The following PLPP3 variants were observed in gnomAD, a reference collection of about 807,000 sequenced individuals.
PLPP3 encodes the protein PAP2 beta.
In PLPP3, 6 loss-of-function variants were observed where a neutral mutation model predicts 29.6. That is an observed-to-expected ratio of 0.20 (90% CI 0.11 to 0.40). The LOEUF (loss-of-function observed/expected upper bound fraction) is 0.40, where lower values mean the gene tolerates loss of function less well. Ranked by LOEUF, PLPP3 falls within the 10% of genes least tolerant of loss-of-function variation. The pLI is 1.00. For missense variants in PLPP3, 308 were observed against 407.7 expected, an observed-to-expected ratio of 0.76 and a Z score of 2.11; for synonymous variants, 152 against 159.7, an observed-to-expected ratio of 0.95 and a Z score of 0.36.
At chr1:56,528,595 T>G (rs1645867576) in intron 2 of PLPP3, among the ~76,000 whole-genome samples, 1 of 152,052 alleles carries the variant, frequency 6.6e-6, no homozygotes, top group Non-Finnish European at 1.5e-5. Context: ...GGGAATTAGA[T>G]AAGGTGATAT....
intron 4 of PLPP3, among the ~76,000 whole-genome samples, chr1:56,514,057 C>T (rs572235292): frequency 1.5e-4 from 23 of 150,522 alleles, no homozygotes; most frequent in African/African-American, 5.1e-4. Flanking sequence ...TAAATAAATA[C>T]GTTAAATTAA....
At chr1:56,498,620 C>T (rs1430345203) in intron 5 of PLPP3, among the ~76,000 whole-genome samples, 8 of 151,658 alleles carry the variant, frequency 5.3e-5, no homozygotes. Flanking sequence ...TTGATCAATC[C>T]CTCCCCATCA....
chr1:56,526,883 T>C (rs115024672), intron 2 of PLPP3, among the ~76,000 whole-genome samples: 2 of 152,174 alleles, frequency 1.3e-5, no homozygotes, highest in Non-Finnish European at 2.9e-5. Context: ...AGGCCCCAGA[T>C]AAAATCCCTG....
At chr1:56,578,766 C>G (rs1646255251) in intron 1 of PLPP3, 112 bp downstream of exon 1, 1 of 1,186,496 alleles carries the variant, frequency 8.4e-7, no homozygotes, top group Non-Finnish European at 1.1e-6. Context: ...GCGGGGGCCC[C>G]CCGGAGCTGA....
chr1:56,569,994 G>T (rs1336128199), intron 1 of PLPP3, among the ~76,000 whole-genome samples: 1 of 152,094 alleles, frequency 6.6e-6, no homozygotes, highest in Non-Finnish European at 1.5e-5. Flanking sequence ...CTCCCTTAAG[G>T]CTCCAAAGTC....
intron 1 of PLPP3, among the ~76,000 whole-genome samples, chr1:56,568,612 T>C (rs1646176923): frequency 6.6e-6 from 1 of 152,164 alleles, no homozygotes; most frequent in African/African-American, 2.4e-5. Flanking sequence ...GTTCAGGAAG[T>C]ACCTGTCATA....
chr1:56,496,987 A>G (rs1476287738), intron 5 of PLPP3, among the ~76,000 whole-genome samples: 1 of 152,204 alleles, frequency 6.6e-6, no homozygotes, highest in African/African-American at 2.4e-5. Flanking sequence ...GCAAACGAAT[A>G]GCAATGAAAG....
chr1:56,532,813 T>C (rs61772618), intron 2 of PLPP3, among the ~76,000 whole-genome samples: 14,211 of 152,138 alleles, frequency 0.093, 871 homozygotes, highest in Middle Eastern at 0.13. Context: ...TCAAATCAGA[T>C]CTGTCTCTCC....
intron 1 of PLPP3, among the ~76,000 whole-genome samples, chr1:56,575,775 C>A (rs1235795846): frequency 6.6e-6 from 1 of 152,056 alleles, no homozygotes; most frequent in Non-Finnish European, 1.5e-5. Context: ...TGCATTAAAG[C>A]ATGCATATAT....
intron 4 of PLPP3, among the ~76,000 whole-genome samples, chr1:56,519,879 ATT>A (rs1212671471): frequency 6.6e-6 from 1 of 152,020 alleles, no homozygotes; most frequent in Non-Finnish European, 1.5e-5. Context: ...AAATTTATTC[ATT>A]GACCTAACAT....
chr1:56,564,053 T>C (rs1446100481), intron 1 of PLPP3, among the ~76,000 whole-genome samples: 2 of 152,252 alleles, frequency 1.3e-5, no homozygotes, highest in African/African-American at 4.8e-5. Flanking sequence ...CATATGCTCA[T>C]TATTGAAACT....
chr1:56,548,902 A>G (rs564428418), intron 1 of PLPP3, among the ~76,000 whole-genome samples: 1 of 152,314 alleles, frequency 6.6e-6, no homozygotes, highest in South Asian at 2.1e-4. Flanking sequence ...TACCAAAAAA[A>G]AAAAAAGATC....
At position 56,518,682 on chromosome 1, in the gene PLPP3, T is replaced by TC. The variant is rs1002621823; in HGVS notation, c.633+5140dup. Among the ~76,000 whole-genome samples the TC allele has an allele frequency of 2.0e-5, 3 of 149,482 alleles. No homozygotes were observed. The Admixed American group carries it at 2.0e-4, about 10-fold the overall frequency. On this transcript the variant is annotated intron_variant, in intron 4 of 5. Coordinates refer to ENST00000371250, the MANE Select transcript of PLPP3 (RefSeq NM_003713.5). ...GTGAATGAAGAGACCAAAAAATCTC[T>TC]CCCCCGGGGAATTTACAGCCTTTTT...
intron 1 of PLPP3, among the ~76,000 whole-genome samples, chr1:56,562,126 G>A (rs1304931130): frequency 6.7e-6 from 1 of 148,194 alleles, no homozygotes; most frequent in African/African-American, 2.5e-5. Context: ...AAAGGACCTG[G>A]AAAAGCCCCA....
intron 1 of PLPP3, among the ~76,000 whole-genome samples, chr1:56,570,506 G>A (rs935913389): frequency 1.3e-5 from 2 of 152,176 alleles, no homozygotes; most frequent in African/African-American, 4.8e-5. Context: ...AGTCTGAAGT[G>A]CGTTGTTTTG....
intron 2 of PLPP3, among the ~76,000 whole-genome samples, chr1:56,531,354 T>C (rs1169739413): frequency 6.6e-6 from 1 of 152,214 alleles, no homozygotes; most frequent in Admixed American, 6.5e-5. Flanking sequence ...GTCAGACTTG[T>C]ACTTGTCTTG....
chr1:56,544,012 AC>A (rs952708159), intron 1 of PLPP3, among the ~76,000 whole-genome samples: 4 of 152,184 alleles, frequency 2.6e-5, no homozygotes, highest in Admixed American at 2.0e-4. Flanking sequence ...GCTGGGGAAA[AC>A]AAAGGTGAGT....
intron 5 of PLPP3, among the ~76,000 whole-genome samples, chr1:56,500,896 C>T (rs1471061617): frequency 6.7e-6 from 1 of 148,202 alleles, no homozygotes; most frequent in East Asian, 2.0e-4. Context: ...CCCAGCTACT[C>T]GGGAGGCTGA....
intron 2 of PLPP3, among the ~76,000 whole-genome samples, chr1:56,527,497 G>C (rs1645859660): frequency 6.6e-6 from 1 of 152,106 alleles, no homozygotes; most frequent in Non-Finnish European, 1.5e-5. Context: ...ACTACACTGA[G>C]ATAATTTTAT....
Sources: allele counts gnomAD v4.1 joint callset (sites outside exome capture counted in the v4.1 genomes callset), GRCh38; gene constraint gnomAD v4.1.1; transcripts MANE v1.5; gene names NCBI Gene and HGNC (gene_info 2026-07-23, HGNC 2026-07-21).